Variants in TAFA2 observed in about 807,000 individuals in gnomAD.
TAFA2 encodes TAFA chemokine like family member 2, also known as chemokine-like protein TAFA-2.
A neutral mutation model predicts 18.8 loss-of-function variants in TAFA2; 7 were observed. That is an observed-to-expected ratio of 0.37 (90% CI 0.21 to 0.70). TAFA2 has a LOEUF of 0.70. Ranked by LOEUF, TAFA2 falls within the 30% of genes least tolerant of loss-of-function variation. The probability of loss-of-function intolerance (pLI) is 0.53; values close to 1 mark genes in which losing one functional copy is unlikely to be tolerated. For synonymous variants in TAFA2, 60 were observed against 54.2 expected, an observed-to-expected ratio of 1.11 and a Z score of -0.47; for missense variants, 122 against 158.1, an observed-to-expected ratio of 0.77 and a Z score of 1.23.
chr12:61,911,081 C>G (rs538922975), intron 1 of TAFA2, among the ~76,000 whole-genome samples: 1 of 152,254 alleles, frequency 6.6e-6, no homozygotes, highest in South Asian at 2.1e-4. Flanking sequence ...TCACAATTTT[C>G]AGAAGAAAAT....
chr12:61,742,304 G>T (rs1868492028), intron 4 of TAFA2, among the ~76,000 whole-genome samples: 2 of 152,200 alleles, frequency 1.3e-5, no homozygotes, highest in African/African-American at 4.8e-5. Flanking sequence ...CAACTAGCAG[G>T]CAAGTTTTAG....
intron 2 of TAFA2, among the ~76,000 whole-genome samples, chr12:61,768,683 G>A (rs568555566): frequency 6.6e-6 from 1 of 152,208 alleles, no homozygotes; most frequent in Admixed American, 6.5e-5. Context: ...GGCACTCTCG[G>A]TCCCCAGGGA....
At chr12:61,858,085 C>T (rs1009256294) in intron 2 of TAFA2, among the ~76,000 whole-genome samples, 1 of 152,146 alleles carries the variant, frequency 6.6e-6, no homozygotes, top group Admixed American at 6.5e-5. Context: ...GTTTCCTGCT[C>T]AGTGGCCATG....
At chr12:61,769,512 G>A (rs142949429) in intron 2 of TAFA2, among the ~76,000 whole-genome samples, 229 of 152,090 alleles carry the variant, frequency 1.5e-3, no homozygotes, top group African/African-American at 5.1e-3. Flanking sequence ...TTCCACCACA[G>A]CAAGTGCTGA....
chr12:61,937,698 A>G (rs1877828494), intron 1 of TAFA2, among the ~76,000 whole-genome samples: 1 of 152,208 alleles, frequency 6.6e-6, no homozygotes, highest in Admixed American at 6.5e-5. Flanking sequence ...GAAACCATAA[A>G]CATTCTAAAA....
At chr12:62,165,953 ACAC>A (rs2062436487) in intron 1 of TAFA2, among the ~76,000 whole-genome samples, 1 of 151,152 alleles carries the variant, frequency 6.6e-6, no homozygotes, top group African/African-American at 2.4e-5. Context: ...ACACACACAC[ACAC>A]ACACACACAC....
At chr12:62,082,328 C>T (rs916095720) in intron 1 of TAFA2, among the ~76,000 whole-genome samples, 1 of 152,132 alleles carries the variant, frequency 6.6e-6, no homozygotes, top group East Asian at 1.9e-4. Context: ...ATTTCTGGGT[C>T]AAATGGTATT....
At chr12:61,906,688 T>A (rs1386610829) in intron 1 of TAFA2, among the ~76,000 whole-genome samples, 1 of 152,110 alleles carries the variant, frequency 6.6e-6, no homozygotes, top group African/African-American at 2.4e-5. Context: ...CAGGAAGATA[T>A]GGGAAAGTTT....
At chr12:62,237,450 A>T (rs2062843330) in intron 1 of TAFA2, among the ~76,000 whole-genome samples, 1 of 152,160 alleles carries the variant, frequency 6.6e-6, no homozygotes, top group African/African-American at 2.4e-5. Context: ...TTGCTGTGTT[A>T]TCTTGGAATT....
Position 61,953,600 on chromosome 12 carries a change from G to A in TAFA2, c.-1-86174C>T, listed in dbSNP as rs570300035. 1.7e-4 allele frequency among the ~76,000 whole-genome samples: 26 copies of A among 151,830 alleles called. 1 individual carries two copies. In the South Asian group the frequency reaches 5.4e-3, roughly 32 times the overall value. On this transcript the variant is annotated intron_variant, in intron 1 of 4. Coordinates refer to ENST00000416284, the MANE Select transcript of TAFA2 (RefSeq NM_178539.5). ...ATTTTAACCTATACAAAAAAAAAAT[G>A]TGTATCCTTATTAACCAGTGGCCTC...
chr12:62,235,223 C>T (rs2062831262), intron 1 of TAFA2: 1 of 659,118 alleles, frequency 1.5e-6, no homozygotes, highest in Non-Finnish European at 2.8e-6. Flanking sequence ...GGCAGTAGCT[C>T]ACGCCATGCT....
At chr12:61,920,613 T>A (rs1038083237) in intron 1 of TAFA2, among the ~76,000 whole-genome samples, 4 of 152,212 alleles carry the variant, frequency 2.6e-5, no homozygotes, top group African/African-American at 9.6e-5. Context: ...TAGCCAGTTC[T>A]CTGAGTAAGT....
intron 1 of TAFA2, among the ~76,000 whole-genome samples, chr12:62,181,988 C>T (rs1475390238): frequency 7.9e-6 from 1 of 126,600 alleles, no homozygotes; most frequent in African/African-American, 3.2e-5. Context: ...TTCTCAAGTC[C>T]ATCCCCCCCC....
At chr12:62,194,616 C>T (rs1219848579), upstream of TAFA2, among the ~76,000 whole-genome samples, 1 of 152,084 alleles carries the variant, frequency 6.6e-6, no homozygotes, top group Non-Finnish European at 1.5e-5. Flanking sequence ...GTAAATAATT[C>T]CCAATAATTT....
intron 1 of TAFA2, among the ~76,000 whole-genome samples, chr12:61,882,045 T>C (rs552494219): frequency 6.6e-6 from 1 of 152,318 alleles, no homozygotes; most frequent in African/African-American, 2.4e-5. Flanking sequence ...AGTGCCATTA[T>C]ATGAAATAAC....
intron 2 of TAFA2, among the ~76,000 whole-genome samples, chr12:61,766,337 A>G (rs1260972230): frequency 1.3e-5 from 2 of 152,120 alleles, no homozygotes; most frequent in African/African-American, 4.8e-5. Flanking sequence ...CATGTGTTGC[A>G]TCCTACACTG....
At chr12:62,049,916 C>T (rs962733641) in intron 1 of TAFA2, among the ~76,000 whole-genome samples, 46 of 152,248 alleles carry the variant, frequency 3.0e-4, no homozygotes, top group South Asian at 4.2e-4. Context: ...TACCAATTGT[C>T]TATAAAAGAA....
At chr12:62,035,599 C>T (rs970347436) in intron 1 of TAFA2, among the ~76,000 whole-genome samples, 1 of 151,476 alleles carries the variant, frequency 6.6e-6, no homozygotes, top group Non-Finnish European at 1.5e-5. Flanking sequence ...TGAAAGGAAG[C>T]TAGTGTGCCT....
chr12:61,972,403 A>G (rs1169894996), intron 1 of TAFA2, among the ~76,000 whole-genome samples: 1 of 151,496 alleles, frequency 6.6e-6, no homozygotes, highest in Non-Finnish European at 1.5e-5. Context: ...TAGTTTCTTT[A>G]GGAGATACAA....
Sources: gnomAD v4.1 joint callset for allele counts (sites outside exome capture counted in the v4.1 genomes callset) on GRCh38, gnomAD v4.1.1 for gene constraint, MANE v1.5 for transcripts, NCBI Gene and HGNC (gene_info 2026-07-23, HGNC 2026-07-21) for gene names.